TSPAN9: variants seen among roughly 807,000 people sequenced by gnomAD.
TSPAN9 encodes tetraspanin-9.
A neutral mutation model predicts 31.0 loss-of-function variants in TSPAN9; 16 were observed. The observed-to-expected ratio is 0.52, with a 90% CI of 0.35 to 0.78. The LOEUF (loss-of-function observed/expected upper bound fraction) is 0.78. TSPAN9 is among the 30% of genes least tolerant of loss of function. The pLI is 0.01. For synonymous variants in TSPAN9, 145 were observed against 121.6 expected (o/e 1.19, Z -1.27); for missense variants, 272 against 312.5 (o/e 0.87, Z 0.98).
chr12:3,264,867 G>C (rs1206319635), intron 3 of TSPAN9, among the ~76,000 whole-genome samples: 1 of 152,206 alleles, frequency 6.6e-6, no homozygotes, highest in Non-Finnish European at 1.5e-5. Flanking sequence ...GTCGTTTTCT[G>C]CGGTCCTGCT....
chr12:3,199,942 T>C (rs562800491), intron 2 of TSPAN9: 14 of 152,578 alleles, frequency 9.2e-5, no homozygotes, highest in African/African-American at 3.1e-4. Flanking sequence ...CCCAAGTGCA[T>C]AGGGGGCGGC....
chr12:3,276,443 CG>C (rs1433828303), intron 3 of TSPAN9, among the ~76,000 whole-genome samples: 2 of 152,214 alleles, frequency 1.3e-5, no homozygotes, highest in African/African-American at 4.8e-5. Context: ...TTGTAGCACA[CG>C]GCCAGCGTGC....
chr12:3,164,043 A>ATTCT (rs1287328498), intron 2 of TSPAN9, among the ~76,000 whole-genome samples: 1 of 152,180 alleles, frequency 6.6e-6, no homozygotes, highest in East Asian at 1.9e-4. Flanking sequence ...CCCACTTAGA[A>ATTCT]GGCCAAGCTA....
intron 2 of TSPAN9, among the ~76,000 whole-genome samples, chr12:3,092,268 T>C (rs962572896): frequency 6.6e-6 from 1 of 152,172 alleles, no homozygotes; most frequent in African/African-American, 2.4e-5. Context: ...TTACTTGTTC[T>C]CCATGGCTGT....
intron 3 of TSPAN9, among the ~76,000 whole-genome samples, chr12:3,249,432 T>C (rs534286982): frequency 2.0e-5 from 3 of 152,342 alleles, no homozygotes; most frequent in African/African-American, 7.2e-5. Context: ...TTAAAGTTTC[T>C]GTCTCAAACG....
intron 3 of TSPAN9, among the ~76,000 whole-genome samples, chr12:3,254,873 C>G (rs934186377): frequency 4.6e-5 from 7 of 152,214 alleles, no homozygotes; most frequent in Non-Finnish European, 8.8e-5. Flanking sequence ...GTGGACATTT[C>G]TGTCTACGGT....
At chr12:3,114,442 G>A (rs879719959) in intron 2 of TSPAN9, among the ~76,000 whole-genome samples, 1 of 152,176 alleles carries the variant, frequency 6.6e-6, no homozygotes, top group Non-Finnish European at 1.5e-5. Context: ...TGTATAGCAT[G>A]TGTTTAATGA....
intron 2 of TSPAN9, among the ~76,000 whole-genome samples, chr12:3,159,544 CTAATCCACCATGACTGGTGCCGTTA>C (rs2098343953): frequency 1.3e-5 from 2 of 152,138 alleles, no homozygotes; most frequent in Admixed American, 1.3e-4. Flanking sequence ...AGGGCAGGCC[CTAATCCACCATGACTGGTGCCGTTA>C]TAAGAGGATA....
chr12:3,191,541 A>T (rs1282368599), intron 2 of TSPAN9, among the ~76,000 whole-genome samples: 1 of 152,210 alleles, frequency 6.6e-6, no homozygotes, highest in Non-Finnish European at 1.5e-5. Flanking sequence ...TAGAGGCCAC[A>T]CAGGTCATCA....
chr12:3,103,050 C>G (rs1461340203), intron 2 of TSPAN9, among the ~76,000 whole-genome samples: 1 of 152,176 alleles, frequency 6.6e-6, no homozygotes, highest in Non-Finnish European at 1.5e-5. Context: ...CAGCTGGCTC[C>G]CTTGGGGGAT....
chr12:3,267,509 G>A (rs535072632), intron 3 of TSPAN9, among the ~76,000 whole-genome samples: 5 of 152,300 alleles, frequency 3.3e-5, no homozygotes, highest in East Asian at 1.9e-4. Flanking sequence ...GGAAGCCCAG[G>A]TAGCTGCCAG....
At chr12:3,233,766 T>TG (rs958945970) in intron 3 of TSPAN9, among the ~76,000 whole-genome samples, 14 of 152,222 alleles carry the variant, frequency 9.2e-5, no homozygotes, top group Non-Finnish European at 5.9e-5. Flanking sequence ...TGGCATACAC[T>TG]GGTGAAATCC....
At chr12:3,149,081 T>C (rs1378694123) in intron 2 of TSPAN9, among the ~76,000 whole-genome samples, 1 of 152,216 alleles carries the variant, frequency 6.6e-6, no homozygotes, top group African/African-American at 2.4e-5. Context: ...CAGTGTTTTA[T>C]TGAAAAGAAT....
intron 3 of TSPAN9, among the ~76,000 whole-genome samples, chr12:3,256,111 G>A (rs1862340047): frequency 6.6e-6 from 1 of 152,164 alleles, no homozygotes; most frequent in Admixed American, 6.5e-5. Context: ...TGCTGCTTTG[G>A]CCTTTCTTCA....
At chr12:3,254,100 T>C (rs1257655624) in intron 3 of TSPAN9, among the ~76,000 whole-genome samples, 5 of 152,172 alleles carry the variant, frequency 3.3e-5, no homozygotes, top group Admixed American at 6.5e-5. Flanking sequence ...TGAAATGTAA[T>C]GATGCATCCG....
chr12:3,203,099 G>A (rs2098372886), intron 3 of TSPAN9, among the ~76,000 whole-genome samples: 1 of 152,110 alleles, frequency 6.6e-6, no homozygotes, highest in Admixed American at 6.5e-5. Context: ...TTATTAGGAA[G>A]ACAGACCCTG....
intron 2 of TSPAN9, among the ~76,000 whole-genome samples, chr12:3,119,569 C>A (rs1402513169): frequency 6.6e-6 from 1 of 152,186 alleles, no homozygotes; most frequent in African/African-American, 2.4e-5. Flanking sequence ...CCCTCCCCAT[C>A]CTCTCAGCCC....
At chr12:3,250,844 A>T (rs1277624037) in intron 3 of TSPAN9, among the ~76,000 whole-genome samples, 2 of 152,182 alleles carry the variant, frequency 1.3e-5, no homozygotes, top group Admixed American at 6.5e-5. Flanking sequence ...AATGGCCATG[A>T]TGGGCACAGC....
intron 3 of TSPAN9, among the ~76,000 whole-genome samples, chr12:3,245,660 G>A (rs867942254): frequency 5.3e-5 from 8 of 152,168 alleles, no homozygotes; most frequent in East Asian, 3.9e-4. Context: ...GTCATAAGAG[G>A]GGGTGGTGGA....
Sources: allele counts gnomAD v4.1 joint callset (sites outside exome capture counted in the v4.1 genomes callset), GRCh38; gene constraint gnomAD v4.1.1; transcripts MANE v1.5; gene names NCBI Gene and HGNC (gene_info 2026-07-23, HGNC 2026-07-21).